SLIT1: variants seen among roughly 807,000 people sequenced by gnomAD.
SLIT1 encodes slit guidance ligand 1.
Under a neutral mutation model 186.1 loss-of-function variants are expected in SLIT1, and 66 were observed. The ratio of observed to expected loss-of-function variants is 0.35; its 90% CI spans 0.29 to 0.44. The LOEUF (loss-of-function observed/expected upper bound fraction) is 0.44. Ranked by LOEUF, SLIT1 falls within the 20% of genes least tolerant of loss-of-function variation. SLIT1 has a pLI of 1.00. For synonymous variants in SLIT1, 761 were observed against 833.8 expected (o/e 0.91, Z 1.50); for missense variants, 1,638 against 2,037.4 (o/e 0.80, Z 3.77).
chr10:97,008,620 C>T (rs561426178), intron 31 of SLIT1, among the ~76,000 whole-genome samples: 24 of 150,536 alleles, frequency 1.6e-4, no homozygotes, highest in East Asian at 3.9e-4. Context: ...TGCTTGAACC[C>T]GGGAGGTGGA....
rs573253640 is a variant in SLIT1 at position 97,112,922 on chromosome 10, G to A, written c.413+44896C>T. On this transcript the variant is annotated intron_variant, in intron 4 of 36. Transcript: ENST00000266058. ...TTGCTCAGGCTGGTTTCAAACTCCCGGGCTCAAGCAATCCTCCCACCTCGG... is the reference window on the plus strand; with the variant it reads ...TTGCTCAGGCTGGTTTCAAACTCCCAGGCTCAAGCAATCCTCCCACCTCGG... Among the ~76,000 whole-genome samples, 17 of 152,114 alleles carry A rather than the reference G, an allele frequency of 1.1e-4. No homozygotes were observed. The East Asian group carries it at 2.9e-3, about 26-fold the overall frequency.
intron 4 of SLIT1, among the ~76,000 whole-genome samples, chr10:97,134,428 G>A (rs542789864): frequency 2.1e-4 from 32 of 152,266 alleles, no homozygotes; most frequent in African/African-American, 7.7e-4. Context: ...AGCACACACA[G>A]TTTGGGAAAG....
intron 4 of SLIT1, among the ~76,000 whole-genome samples, chr10:97,114,509 G>C (rs879281127): frequency 1.3e-5 from 2 of 152,020 alleles, no homozygotes; most frequent in Non-Finnish European, 2.9e-5. Flanking sequence ...TAATTAATTG[G>C]GTGTGGTGAT....
intron 13 of SLIT1, among the ~76,000 whole-genome samples, chr10:97,053,778 C>T (rs1169193277): frequency 6.6e-6 from 1 of 152,166 alleles, no homozygotes; most frequent in Non-Finnish European, 1.5e-5. Flanking sequence ...TACGTGGAAA[C>T]ATTCCAGTTA....
At chr10:97,017,145 G>A (rs1247605791) in intron 28 of SLIT1, among the ~76,000 whole-genome samples, 3 of 152,220 alleles carry the variant, frequency 2.0e-5, no homozygotes, top group African/African-American at 7.2e-5. Flanking sequence ...CCATCTCAGG[G>A]TGAAGGGGGT....
intron 20 of SLIT1, among the ~76,000 whole-genome samples, chr10:97,042,240 G>A (rs1848696542): frequency 6.6e-6 from 1 of 152,118 alleles, no homozygotes; most frequent in Non-Finnish European, 1.5e-5. Context: ...GGAGAAGGGA[G>A]GCACCTTAGC....
At chr10:97,174,445 C>T (rs1337470501) in intron 1 of SLIT1, among the ~76,000 whole-genome samples, 2 of 152,200 alleles carry the variant, frequency 1.3e-5, no homozygotes, top group African/African-American at 4.8e-5. Flanking sequence ...GCCAGGGCTC[C>T]CAGCATCCCA....
intron 4 of SLIT1, among the ~76,000 whole-genome samples, chr10:97,088,186 C>G (rs1246130571): frequency 6.6e-6 from 1 of 152,168 alleles, no homozygotes; most frequent in Non-Finnish European, 1.5e-5. Context: ...CCAGGGGATT[C>G]CACAGGGCAG....
At chr10:97,039,565 A>C (rs1848672377) in intron 21 of SLIT1, among the ~76,000 whole-genome samples, 1 of 152,218 alleles carries the variant, frequency 6.6e-6, no homozygotes, top group Non-Finnish European at 1.5e-5. Flanking sequence ...ACAGTAAAAA[A>C]AAATTGGAAA....
chr10:97,013,819 T>C lies in SLIT1; in HGVS notation c.3125A>G (p.Gln1042Arg). The stretch of plus-strand genomic sequence containing the variant: ...ATCCGGAGAGCACAAGTCCACCAGC[T>C]GCTCACAGGCCTTTCCTGGGGAAAG... ...PLQYEGKACE[Q>R]LVDLCSPDLN... is the part of the protein sequence containing the mutation. Residue 1042 changes from glutamine (Q) to arginine (R), a missense_variant, in exon 30 of 37, where the codon CAG becomes CGG. Coordinates refer to ENST00000266058, the MANE Select transcript of SLIT1 (RefSeq NM_003061.3). 5.2e-6 allele frequency: 8 copies of C among 1,551,650 alleles called. No individual in the cohort carries two copies. Among genetic ancestry groups the C allele is most frequent in the South Asian group, 1.2e-5 (1 of 84,066 alleles).
At chr10:97,013,067 C>G (rs2134593622) in intron 30 of SLIT1, among the ~76,000 whole-genome samples, 2 of 152,338 alleles carry the variant, frequency 1.3e-5, no homozygotes, top group Non-Finnish European at 2.9e-5. Context: ...CCTCCTGGGA[C>G]CAGATAGGTT....
chr10:97,066,041 A>C lies in SLIT1; in HGVS notation c.459T>G (p.Phe153Leu). Residue 153 changes from phenylalanine (F) to leucine (L), a missense_variant, in exon 5 of 37, where the codon TTT (phenylalanine) becomes TTG (leucine). By Grantham distance (22) the Phe-to-Leu change is conservative. Around this residue, in one of 3 missense-constraint regions of SLIT1, gnomAD observed 1,245 missense variants for 1,535.3 expected, o/e 0.81. Transcript: ENST00000266058. The part of the protein sequence containing the change: ...NAIQAIPRKA[F>L]RGATDLKNLQ... The stretch of plus-strand genomic sequence containing the variant: ...AATTTTTAAGGTCCGTAGCTCCCCG[A>C]AAAGCTTTCCTGGGGATGGCCTGGA... The C allele has an allele frequency of 6.2e-7, 1 of 1,606,192 alleles. No individual in the cohort carries two copies. Among genetic ancestry groups the C allele is most frequent in the Non-Finnish European group, 8.5e-7 (1 of 1,175,658 alleles).
In SLIT1 at chr10:97,059,506, C is replaced by T; in HGVS notation, c.1039G>A (p.Glu347Lys). Residue 347 changes from glutamate to lysine, a missense_variant, in exon 11 of 37, where the codon GAG becomes AAG. Transcript: ENST00000266058. ...CCCTGGAAGGCGTCGGGTGCAATCTCAGCGATCTGATTGTTGCTCAGGTCT... is the reference window on the plus strand; with the variant it reads ...CCCTGGAAGGCGTCGGGTGCAATCTTAGCGATCTGATTGTTGCTCAGGTCT... Reference protein sequence around the residue: ...RIDLSNNQIAEIAPDAFQGLR... With the variant: ...RIDLSNNQIAKIAPDAFQGLR... 6.2e-7 allele frequency: 1 copy of T among 1,613,878 alleles called. No homozygotes were observed.
intron 34 of SLIT1, 86 bp downstream of exon 34, chr10:97,003,982 C>T (rs1848335358): frequency 3.2e-6 from 4 of 1,234,634 alleles, no homozygotes; most frequent in Non-Finnish European, 1.1e-6. Flanking sequence ...CTTGGCATTT[C>T]CCACAGTGCA....
At chr10:97,095,103 T>C (rs1050682028) in intron 4 of SLIT1, among the ~76,000 whole-genome samples, 1 of 151,992 alleles carries the variant, frequency 6.6e-6, no homozygotes. Context: ...GCCAACATAG[T>C]GAAACCCCGT....
intron 20 of SLIT1, 96 bp from the exon 21 acceptor site, chr10:97,040,216 G>A: frequency 7.8e-7 from 1 of 1,285,256 alleles, no homozygotes. Flanking sequence ...TCTCAGAACA[G>A]AAGACCCCTC....
At chr10:97,138,032 T>A (rs1045810902) in intron 4 of SLIT1, among the ~76,000 whole-genome samples, 1 of 152,208 alleles carries the variant, frequency 6.6e-6, no homozygotes, top group African/African-American at 2.4e-5. Context: ...GATTCCCGAT[T>A]AAGATTACAG....
chr10:97,166,569 G>GAGAGAGAGAGAGAA (rs1444883867), intron 1 of SLIT1, among the ~76,000 whole-genome samples: 7 of 58,954 alleles, frequency 1.2e-4, no homozygotes, highest in Non-Finnish European at 1.0e-4. Flanking sequence ...GAGAGAGAGA[G>GAGAGAGAGAGAGAA]AGAAAGAAAG....
chr10:97,154,611 A>G (rs949466542), intron 4 of SLIT1: 1 of 152,172 alleles, frequency 6.6e-6, no homozygotes, highest in Non-Finnish European at 1.5e-5. Flanking sequence ...GGCTACCAAG[A>G]CTTCCACTGC....
Sources: allele counts gnomAD v4.1 joint callset (sites outside exome capture counted in the v4.1 genomes callset), GRCh38; gene constraint gnomAD v4.1.1; regional missense constraint gnomAD v4.1.1; transcripts MANE v1.5; gene names NCBI Gene and HGNC (gene_info 2026-07-23, HGNC 2026-07-21).